SPATA1: variants seen among roughly 807,000 people sequenced by gnomAD.
SPATA1 encodes the protein spermatogenesis-associated protein 1.
Under a neutral mutation model 59.6 loss-of-function variants are expected in SPATA1, and 57 were observed. That is an observed-to-expected ratio of 0.96 (90% CI 0.77 to 1.19). The LOEUF (loss-of-function observed/expected upper bound fraction) is 1.19, where lower values mean the gene tolerates loss of function less well. SPATA1 is among the 50% of genes most tolerant of loss of function. The pLI, the probability that SPATA1 is intolerant of heterozygous loss-of-function variation, is 0.00. For synonymous variants in SPATA1, 147 were observed against 163.9 expected, an observed-to-expected ratio of 0.90 and a Z score of 0.79; for missense variants, 448 against 480.7, an observed-to-expected ratio of 0.93 and a Z score of 0.64.
At chr1:84,556,013 T>C (rs1454451385), downstream of SPATA1, 7 of 152,246 alleles carry the variant, frequency 4.6e-5, no homozygotes, top group Non-Finnish European at 1.5e-5. Flanking sequence ...TACATCCTTT[T>C]CTAGGTCTTA....
chr1:84,560,877 GA>G (rs903428246), intron 4 of SPATA1, among the ~76,000 whole-genome samples: 16 of 151,654 alleles, frequency 1.1e-4, no homozygotes, highest in Admixed American at 2.6e-4. Flanking sequence ...GATGTACTAA[GA>G]AAAAAAAGAG....
intron 12 of SPATA1, chr1:84,552,245 A>G (rs1314162934): frequency 6.6e-6 from 1 of 152,200 alleles, no homozygotes; most frequent in Non-Finnish European, 1.5e-5. Context: ...ATAGTATAGC[A>G]TAAGTAGTGC....
intron 1 of SPATA1, among the ~76,000 whole-genome samples, chr1:84,509,208 T>TTAAAAAAAAA (rs1553216587): frequency 7.4e-6 from 1 of 134,424 alleles, no homozygotes. Context: ...GGTACTGGCA[T>TTAAAAAAAAA]AAAAAAAAAA....
chr1:84,561,257 G>A (rs545038938), intron 4 of SPATA1, among the ~76,000 whole-genome samples: 1 of 152,174 alleles, frequency 6.6e-6, no homozygotes, highest in Non-Finnish European at 1.5e-5. Flanking sequence ...ATGACATTGA[G>A]GGGTTCAAGA....
downstream of SPATA1, chr1:84,556,028 T>C (rs2102015571): frequency 1.3e-5 from 2 of 152,352 alleles, no homozygotes; most frequent in Admixed American, 6.5e-5. Flanking sequence ...GTCTTACAGA[T>C]ACATTCTCAG....
In SPATA1 at chr1:84,544,199, CAG is replaced by C. The variant is rs1373778641; in HGVS notation, c.718-1_718del. 1 of 1,577,008 alleles carries C rather than the reference CAG, an allele frequency of 6.3e-7. No homozygotes were observed. Among genetic ancestry groups the C allele is most frequent in the Admixed American group, 1.8e-5 (1 of 56,986 alleles). On this transcript the variant is annotated splice_acceptor_variant, in intron 8 of 12. Transcript: ENST00000490879. LOFTEE classifies it high-confidence loss of function. ...TCTTACTCATTTTCACGTTTGCTTA[CAG>C]ACAGCTGAAAAAGAGTACATCACCC...
At chr1:84,514,015 T>C (rs924759068) in intron 1 of SPATA1, among the ~76,000 whole-genome samples, 2 of 152,018 alleles carry the variant, frequency 1.3e-5, no homozygotes, top group Non-Finnish European at 2.9e-5. Flanking sequence ...CTCATTTTTT[T>C]TGTATTTTTA....
chr1:84,530,225 G>T (rs1683416088), intron 6 of SPATA1, among the ~76,000 whole-genome samples: 1 of 152,076 alleles, frequency 6.6e-6, no homozygotes, highest in African/African-American at 2.4e-5. Context: ...TCAAATCCAG[G>T]GCTACAGTGT....
intron 3 of SPATA1, 133 bp downstream of exon 3, chr1:84,520,824 T>G: frequency 1.5e-6 from 1 of 649,248 alleles, no homozygotes; most frequent in South Asian, 1.8e-5. Context: ...ATTTCCTGAC[T>G]TAATGAATAC....
Position 84,533,606 on chromosome 1 carries a change from A to G in SPATA1, c.660-103A>G, listed in dbSNP as rs544685078. On this transcript the variant is annotated intron_variant, in intron 7 of 12. Transcript: ENST00000490879. ...CTCAGGCTGACTTTGAAAATTTTCA[A>G]TATTTGTGTTTACAGAGCATCAAAT... is the stretch of plus-strand genomic sequence containing the variant. 1.9e-4 allele frequency: 179 copies of G among 927,410 alleles called. 1 individual carries two copies. In the East Asian group the frequency reaches 4.5e-3, roughly 23 times the overall value. The allele number at this position is 927,410 out of a possible 1,614,324, so 57.4% of individuals were successfully genotyped here. A position where few individuals can be genotyped will look rare whatever the true frequency, so the allele number is the denominator to read the frequency against.
rs1479863649 is a variant in SPATA1, at chr1:84,545,872, T to TA, written c.946+114dup. ...ATTAATATTTACTGTTTTACTATTT[T>TA]AGTTTAAGTGGTACATGATTAAGTT... is the stretch of plus-strand genomic sequence containing the variant. On this transcript the variant is annotated intron_variant, in intron 10 of 12. Coordinates refer to ENST00000490879, the Ensembl canonical transcript of SPATA1. 22 of 794,602 alleles carry TA rather than the reference T, an allele frequency of 2.8e-5. No individual in the cohort carries two copies. In the African/African-American group the frequency reaches 3.8e-4, roughly 14 times the overall value. 49.2% of individuals were successfully genotyped at this position (794,602 alleles called of 1,614,324 possible). A position where few individuals can be genotyped will look rare whatever the true frequency, so the allele number is the denominator to read the frequency against.
intron 2 of SPATA1, among the ~76,000 whole-genome samples, chr1:84,519,741 C>A (rs1160533554): frequency 6.6e-6 from 1 of 151,918 alleles, no homozygotes; most frequent in Non-Finnish European, 1.5e-5. Flanking sequence ...TTGAAGAAAA[C>A]CTTATGCTCA....
intron 8 of SPATA1, among the ~76,000 whole-genome samples, chr1:84,540,449 T>A (rs1683862295): frequency 6.6e-6 from 1 of 152,192 alleles, no homozygotes; most frequent in Non-Finnish European, 1.5e-5. Context: ...AAAATTATGC[T>A]CTGACTCCTC....
At chr1:84,557,874 G>A (rs899861591), downstream of SPATA1, among the ~76,000 whole-genome samples, 2 of 150,210 alleles carry the variant, frequency 1.3e-5, no homozygotes, top group Non-Finnish European at 3.0e-5. Flanking sequence ...AAAAAAAAGA[G>A]GAAGGAAACA....
downstream of SPATA1, among the ~76,000 whole-genome samples, chr1:84,567,133 A>G (rs1684715135): frequency 6.6e-6 from 1 of 152,256 alleles, no homozygotes; most frequent in Non-Finnish European, 1.5e-5. Context: ...TAACATTTTT[A>G]TACTTTGAAC....
intron 8 of SPATA1, among the ~76,000 whole-genome samples, chr1:84,542,906 A>G (rs554145689): frequency 6.6e-6 from 1 of 152,294 alleles, no homozygotes; most frequent in African/African-American, 2.4e-5. Flanking sequence ...TGGATGCCTG[A>G]AAACACAGAT....
downstream of SPATA1, among the ~76,000 whole-genome samples, chr1:84,557,533 CAAAAAAAAAAAAAA>C (rs56101174): frequency 1.8e-5 from 1 of 55,438 alleles, no homozygotes; most frequent in East Asian, 6.9e-4. Context: ...AACTCCATCT[CAAAAAAAAAAAAAA>C]AAAAAAGAAA....
At chr1:84,548,750 CTTTTTTTTT>C (rs56250726) in intron 10 of SPATA1, 27 bp from the exon 11 acceptor site, 71 of 915,366 alleles carry the variant, frequency 7.8e-5, no homozygotes, top group African/African-American at 2.7e-4. Context: ...AAGGCCTTTC[CTTTTTTTTT>C]TTTTTTTTTT....
intron 12 of SPATA1, 43 bp downstream of exon 12, chr1:84,550,573 T>C: frequency 1.4e-6 from 2 of 1,454,460 alleles, no homozygotes; most frequent in South Asian, 1.5e-5. Flanking sequence ...AACATTTATC[T>C]TGAAATAAAA....
Sources: gnomAD v4.1 joint callset for allele counts (sites outside exome capture counted in the v4.1 genomes callset) on GRCh38, gnomAD v4.1.1 for gene constraint, MANE v1.5 for transcripts, NCBI Gene and HGNC (gene_info 2026-07-23, HGNC 2026-07-21) for gene names.